The following CALN1 variants were observed in gnomAD, a reference collection of about 807,000 sequenced individuals.
CALN1 encodes calcium-binding protein 8.
CALN1 carries 17 observed loss-of-function variants against 30.6 expected under a neutral mutation model. That is an observed-to-expected ratio of 0.56 (90% CI 0.38 to 0.83). The LOEUF is 0.83. CALN1 is among the 40% of genes least tolerant of loss of function. The pLI is 0.00. For missense variants in CALN1, 291 were observed against 354.9 expected (o/e 0.82, Z 1.45); for synonymous variants, 156 against 131.4 (o/e 1.19, Z -1.28).
chr7:72,406,564 G>C (rs966270851), intron 1 of CALN1, among the ~76,000 whole-genome samples: 2 of 151,918 alleles, frequency 1.3e-5, no homozygotes, highest in African/African-American at 4.8e-5. Context: ...CCCCAGTCTT[G>C]AAGTTAGATC....
At chr7:71,826,889 G>T (rs1023407609) in intron 5 of CALN1, among the ~76,000 whole-genome samples, 4 of 152,098 alleles carry the variant, frequency 2.6e-5, no homozygotes, top group Non-Finnish European at 4.4e-5. Flanking sequence ...TGTTGCCCAG[G>T]CTGGTCTCCA....
intron 3 of CALN1, among the ~76,000 whole-genome samples, chr7:72,260,557 G>A (rs369956531): frequency 6.6e-5 from 10 of 152,188 alleles, no homozygotes; most frequent in East Asian, 3.9e-4. Context: ...AAGAGGCTTC[G>A]GCAGCAGCTC....
chr7:72,030,126 G>T (rs966764734), intron 4 of CALN1, among the ~76,000 whole-genome samples: 9 of 152,180 alleles, frequency 5.9e-5, no homozygotes, highest in African/African-American at 1.7e-4. Flanking sequence ...CAGATAATTG[G>T]GGAATTTCTT....
chr7:72,265,665 G>T (rs1184646802), intron 3 of CALN1, among the ~76,000 whole-genome samples: 2 of 151,958 alleles, frequency 1.3e-5, no homozygotes, highest in Non-Finnish European at 2.9e-5. Flanking sequence ...TAAACACGTG[G>T]TTACTCCTGT....
At chr7:72,087,792 T>C (rs1408621845) in intron 4 of CALN1, among the ~76,000 whole-genome samples, 2 of 152,062 alleles carry the variant, frequency 1.3e-5, no homozygotes, top group African/African-American at 4.8e-5. Context: ...GTAAGAGAGA[T>C]TGAAATATGT....
intron 3 of CALN1, among the ~76,000 whole-genome samples, chr7:72,184,335 C>T (rs967270913): frequency 6.6e-6 from 1 of 152,182 alleles, no homozygotes; most frequent in Non-Finnish European, 1.5e-5. Flanking sequence ...TGCCTCCATG[C>T]CTCAGTTTCC....
intron 3 of CALN1, among the ~76,000 whole-genome samples, chr7:72,172,270 CT>C (rs1260835192): frequency 6.6e-6 from 1 of 152,204 alleles, no homozygotes; most frequent in African/African-American, 2.4e-5. Context: ...TCATCCTTGC[CT>C]GAGAAGATGC....
At chr7:72,243,174 G>T (rs1794951778) in intron 3 of CALN1, among the ~76,000 whole-genome samples, 1 of 152,140 alleles carries the variant, frequency 6.6e-6, no homozygotes. Flanking sequence ...CCCCGTGATG[G>T]TATCAGTGCC....
chr7:72,133,792 T>C (rs1585010251), intron 3 of CALN1, among the ~76,000 whole-genome samples: 1 of 152,236 alleles, frequency 6.6e-6, no homozygotes, highest in South Asian at 2.1e-4. Context: ...TTATTACTTC[T>C]GTGATATTTC....
chr7:72,005,874 T>C (rs990792222), intron 5 of CALN1, among the ~76,000 whole-genome samples: 2 of 151,980 alleles, frequency 1.3e-5, no homozygotes, highest in Non-Finnish European at 2.9e-5. Flanking sequence ...AGCTTGATTG[T>C]GGTGGTAGAC....
intron 2 of CALN1, among the ~76,000 whole-genome samples, chr7:72,344,264 A>G (rs1802514056): frequency 6.6e-6 from 1 of 152,158 alleles, no homozygotes; most frequent in Non-Finnish European, 1.5e-5. Context: ...TGAATTCCCA[A>G]TCCACAGAAC....
chr7:71,873,965 T>C (rs1371071595), intron 5 of CALN1, among the ~76,000 whole-genome samples: 3 of 152,098 alleles, frequency 2.0e-5, no homozygotes, highest in African/African-American at 7.2e-5. Context: ...CAGTAATAGA[T>C]TATAGGTCAA....
Position 71,787,880 on chromosome 7 carries a change from T to C in CALN1, c.681A>G (p.Arg227=), listed in dbSNP as rs763453907. ...FEGVHSQKQN[R]QTCVRKSLIC... ...TGAGGCTCTTCCGGACGCAGGTCTG[T>C]CTGTTCTGCTTCTGGGAATGCACTG... is the stretch of plus-strand genomic sequence containing the variant. Residue 227 remains arginine, a synonymous_variant, in exon 7 of 7, where the codon AGA becomes AGG. Transcript: ENST00000395275. 3 of 1,614,032 alleles carry C rather than the reference T, an allele frequency of 1.9e-6. No individual in the cohort carries two copies. The highest frequency in any genetic ancestry group is 4.5e-5 in the East Asian group (2 of 44,868).
intron 3 of CALN1, among the ~76,000 whole-genome samples, chr7:72,181,235 T>C (rs1789784123): frequency 6.8e-6 from 1 of 147,944 alleles, no homozygotes; most frequent in East Asian, 1.9e-4. Context: ...ATATATAAAA[T>C]ATATATTATA....
At chr7:71,801,412 GTATGTATGTATGTATGTATC>G (rs1230501421) in intron 6 of CALN1, among the ~76,000 whole-genome samples, 78 of 129,366 alleles carry the variant, frequency 6.0e-4, no homozygotes, top group African/African-American at 2.1e-3. Flanking sequence ...ATGTATGTAT[GTATGTATGTATGTATGTATC>G]TATCTATCTA....
At chr7:72,001,568 A>G (rs1799530103) in intron 5 of CALN1, among the ~76,000 whole-genome samples, 1 of 152,170 alleles carries the variant, frequency 6.6e-6, no homozygotes, top group Non-Finnish European at 1.5e-5. Context: ...CCAACATATA[A>G]AACCCTAAGT....
At chr7:72,198,526 T>C (rs1435493860) in intron 3 of CALN1, among the ~76,000 whole-genome samples, 1 of 152,136 alleles carries the variant, frequency 6.6e-6, no homozygotes, top group Middle Eastern at 3.2e-3. Context: ...TCCAAGTATA[T>C]TATACATAGA....
intron 5 of CALN1, among the ~76,000 whole-genome samples, chr7:71,870,479 T>G (rs1001709706): frequency 1.3e-5 from 2 of 152,160 alleles, no homozygotes; most frequent in African/African-American, 4.8e-5. Flanking sequence ...CCTGTCTGTA[T>G]GTTTGAAATG....
chr7:72,322,972 G>A lies in CALN1; in HGVS notation c.120-44162C>T, dbSNP rs186508743. ...AATTTTTAAATAAATAAATATCCTG[G>A]GTGGAGTGGGAACAGAAAAAGGACA... On this transcript the variant is annotated intron_variant, in intron 2 of 6. Transcript: ENST00000395275. Among the ~76,000 whole-genome samples the A allele has an allele frequency of 2.6e-5, 4 of 150,948 alleles. No homozygotes were observed. In the East Asian group the frequency reaches 7.8e-4, roughly 29 times the overall value.
Sources: gnomAD v4.1 joint callset for allele counts (sites outside exome capture counted in the v4.1 genomes callset) on GRCh38, gnomAD v4.1.1 for gene constraint, MANE v1.5 for transcripts, NCBI Gene and HGNC (gene_info 2026-07-23, HGNC 2026-07-21) for gene names.